SERPINA11: variants seen among roughly 807,000 people sequenced by gnomAD.
The protein encoded by SERPINA11 is serpin A11.
A neutral mutation model predicts 29.4 loss-of-function variants in SERPINA11; 28 were observed. The ratio of observed to expected loss-of-function variants is 0.95; its 90% confidence interval spans 0.70 to 1.30. SERPINA11 has a LOEUF of 1.30. Ranked by LOEUF, SERPINA11 falls within the 50% of genes most tolerant of loss-of-function variation. The probability of loss-of-function intolerance (pLI) is 0.00; values close to 1 mark genes in which losing one functional copy is unlikely to be tolerated. For synonymous variants in SERPINA11, 253 were observed against 206.6 expected, an observed-to-expected ratio of 1.22 and a Z score of -1.92; for missense variants, 530 against 507.3, an observed-to-expected ratio of 1.04 and a Z score of -0.43.
chr14:94,452,463 T>TC (rs58263401), intron 1 of SERPINA11, among the ~76,000 whole-genome samples: 56,426 of 151,790 alleles, frequency 0.37, 11,199 homozygotes, highest in South Asian at 0.47. Context: ...TTGGGATTCT[T>TC]CTCTCAAAAT....
At chr14:94,444,669 G>T (rs369737788) in intron 3 of SERPINA11, among the ~76,000 whole-genome samples, 5 of 152,284 alleles carry the variant, frequency 3.3e-5, no homozygotes, top group African/African-American at 1.2e-4. Context: ...CTTGGCCCGT[G>T]CCTCTTATTT....
intron 2 of SERPINA11, among the ~76,000 whole-genome samples, chr14:94,446,970 G>A (rs1203545408): frequency 6.6e-6 from 1 of 152,184 alleles, no homozygotes; most frequent in Non-Finnish European, 1.5e-5. Context: ...CTGAGTCTTT[G>A]TGAATTTATT....
chr14:94,445,357 C>A (rs995592898), intron 3 of SERPINA11, among the ~76,000 whole-genome samples: 3 of 151,978 alleles, frequency 2.0e-5, no homozygotes, highest in Non-Finnish European at 4.4e-5. Context: ...GAAGATGCAC[C>A]CCCAAGAAGG....
At position 94,446,563 on chromosome 14, in the gene SERPINA11, G is replaced by A. The variant is rs1481839565; in HGVS notation, c.685C>T (p.Gln229Ter). 6.2e-7 allele frequency: 1 copy of A among 1,614,174 alleles called. No individual in the cohort carries two copies. Among genetic ancestry groups the A allele is most frequent in the Admixed American group, 1.7e-5 (1 of 60,030 alleles). ...HPFSRYQTQKQESFFVDERTS... is the reference protein window; with the variant it reads ...HPFSRYQTQK ...CTCTCATCCACAAAGAAACTTTCCT[G>A]CTTCTGGGTCTGGTAGCGACTGAAA... is the stretch of plus-strand genomic sequence containing the variant. The change falls in exon 3 of 5, where the codon CAG becomes TAG. Residue 229 changes from glutamine to a stop codon, truncating the protein, a stop_gained. Coordinates refer to ENST00000334708, the MANE Select transcript of SERPINA11 (RefSeq NM_001080451.2). LOFTEE classifies it high-confidence loss of function.
In SERPINA11 at chr14:94,446,899, T is replaced by C. The variant is rs17090888; in HGVS notation, c.644-295A>G. Reference sequence around the variant, plus strand: ...CCTTCCATGTGTTAGACATTATCTCTTTAAATTGTCATAAAAATTAATAAG... The same window carrying C: ...CCTTCCATGTGTTAGACATTATCTCCTTAAATTGTCATAAAAATTAATAAG... On this transcript the variant is annotated intron_variant, in intron 2 of 4. Coordinates refer to ENST00000334708, the MANE Select transcript of SERPINA11 (RefSeq NM_001080451.2). Among the ~76,000 whole-genome samples the C allele has an allele frequency of 0.13, 19,943 of 152,278 alleles. 1,373 individuals are homozygous for C. The highest frequency in any genetic ancestry group is 0.17 in the Middle Eastern group (50 of 294).
In SERPINA11 at chr14:94,442,947, A is replaced by G. The variant is rs1390518153; in HGVS notation, c.1065+131T>C. On this transcript the variant is annotated intron_variant, in intron 4 of 4. Transcript: ENST00000334708. ...GAAAAGCCCATGAAGAGATGCCTTA[A>G]AGACTGTGGTATTAAATAGTCTGCA... 3 of 1,282,820 alleles carry G rather than the reference A, an allele frequency of 2.3e-6. No homozygotes were observed. In the East Asian group the frequency reaches 7.0e-5, roughly 30 times the overall value. 79.5% of individuals were successfully genotyped at this position (1,282,820 alleles called of 1,614,324 possible).
intron 3 of SERPINA11, 146 bp from the exon 4 acceptor site, chr14:94,443,371 C>A: frequency 2.9e-6 from 2 of 696,420 alleles, no homozygotes; most frequent in Non-Finnish European, 2.4e-6. Flanking sequence ...TTCACTATGG[C>A]GGACCATGCC....
intron 1 of SERPINA11, 71 bp from the exon 2 acceptor site, chr14:94,448,848 C>G: frequency 2.9e-6 from 4 of 1,380,460 alleles, no homozygotes; most frequent in Non-Finnish European, 3.9e-6. Flanking sequence ...GCTCATACCA[C>G]AAATCCCACC....
At position 94,442,642 on chromosome 14, in the gene SERPINA11, G is replaced by A. The variant is rs746249244; in HGVS notation, c.1233C>T (p.Leu411=). 5.0e-6 allele frequency: 8 copies of A among 1,611,930 alleles called. No individual in the cohort carries two copies. The highest frequency in any genetic ancestry group is 5.1e-6 in the Non-Finnish European group (6 of 1,179,046). Reference sequence around the variant, plus strand: ...CTGGGTTGACAACTTTTCCCAGGAAGAGTAAGCTCTGGGTGGTGACCTCCC... The same window carrying A: ...CTGGGTTGACAACTTTTCCCAGGAAAAGTAAGCTCTGGGTGGTGACCTCCC... The part of the protein sequence containing the change: ...LLWEVTTQSL[L]FLGKVVNPVA... Residue 411 remains leucine (L), a synonymous_variant, in exon 5 of 5, where the codon CTC becomes CTT. Coordinates refer to ENST00000334708, the MANE Select transcript of SERPINA11 (RefSeq NM_001080451.2).
At chr14:94,452,599 A>ACACACACACACG (rs1491459698) in intron 1 of SERPINA11, 130 bp downstream of exon 1, 3 of 3,932 alleles carry the variant, frequency 7.6e-4, no homozygotes, top group African/African-American at 5.7e-3. Context: ...AAAGCCAGGA[A>ACACACACACACG]CACACACACA....
At chr14:94,448,940 C>T (rs1431507229) in intron 1 of SERPINA11, among the ~76,000 whole-genome samples, 163 bp from the exon 2 acceptor site, 1 of 152,238 alleles carries the variant, frequency 6.6e-6, no homozygotes, top group African/African-American at 2.4e-5. Flanking sequence ...GGACACTTTC[C>T]TCCGAGGCTT....
chr14:94,448,205 C>G lies in SERPINA11; in HGVS notation c.570G>C (p.Gly190=). ...INDYLRRQTY[G]QVVDCLPEFS... is the part of the protein sequence containing the mutation. ...ACTCCGGGAGGCAGTCCACGACTTG[C>G]CCGTATGTTTGCCTTCTCAAATAGT... The change falls in exon 2 of 5, where the codon GGG becomes GGC. Residue 190 remains glycine, a synonymous_variant. Coordinates refer to ENST00000334708, the MANE Select transcript of SERPINA11 (RefSeq NM_001080451.2). 6.2e-7 allele frequency: 1 copy of G among 1,614,218 alleles called. No individual in the cohort carries two copies. Among genetic ancestry groups the G allele is most frequent in the Non-Finnish European group, 8.5e-7 (1 of 1,180,040 alleles).
At chr14:94,446,304 C>T in intron 3 of SERPINA11, 27 bp downstream of exon 3, 4 of 1,598,878 alleles carry the variant, frequency 2.5e-6, no homozygotes, top group Non-Finnish European at 3.4e-6. Context: ...GCAAGGTCAG[C>T]CAGCATCCTT....
rs143460128 is a variant in SERPINA11, at chr14:94,448,211, T to C, written c.564A>G (p.Thr188=). ...GGAGGCAGTCCACGACTTGCCCGTA[T>C]GTTTGCCTTCTCAAATAGTCATTAA... ...RQINDYLRRQ[T]YGQVVDCLPE... Residue 188 remains threonine, a synonymous_variant, in exon 2 of 5, where the codon ACA becomes ACG. Transcript: ENST00000334708. 2 of 1,614,250 alleles carry C rather than the reference T, an allele frequency of 1.2e-6. No homozygotes were observed. The highest frequency in any genetic ancestry group is 1.7e-6 in the Non-Finnish European group (2 of 1,180,042).
At position 94,446,420 on chromosome 14, in the gene SERPINA11, C is replaced by A. The variant is rs114610098; in HGVS notation, c.828G>T (p.Leu276=). The A allele has an allele frequency of 1.6e-4, 260 of 1,614,176 alleles. No homozygotes were observed. In the East Asian group the frequency reaches 3.9e-3, roughly 24 times the overall value. ...TCATTTTCCCCGGGTCAGGGAGGAC[C>A]AGCAGCGCCAAGGCATTTCCTCTGT... The part of the protein sequence containing the change: ...IEYRGNALAL[L]VLPDPGKMKQ... Residue 276 remains leucine, a synonymous_variant, in exon 3 of 5, where the codon CTG becomes CTT. Coordinates refer to ENST00000334708, the MANE Select transcript of SERPINA11 (RefSeq NM_001080451.2).
chr14:94,451,319 C>A (rs1431968686), intron 1 of SERPINA11, among the ~76,000 whole-genome samples: 2 of 152,276 alleles, frequency 1.3e-5, no homozygotes, highest in African/African-American at 2.4e-5. Context: ...TGTGGGCACG[C>A]CCCCAAGGCT....
At position 94,443,150 on chromosome 14, in the gene SERPINA11, A is replaced by G. The variant is rs1270569643; in HGVS notation, c.993T>C (p.Gly331=). 1 of 1,613,978 alleles carries G rather than the reference A, an allele frequency of 6.2e-7. No homozygotes were observed. The highest frequency in any genetic ancestry group is 8.5e-7 in the Non-Finnish European group (1 of 1,179,982). Residue 331 remains glycine, a synonymous_variant, in exon 4 of 5, where the codon GGT becomes GGC. Coordinates refer to ENST00000334708, the MANE Select transcript of SERPINA11 (RefSeq NM_001080451.2). ...CTTCTAAGTTGAGTATGTTGGTGAG[A>G]CCAATTTGGGGAAGTATGTCTTCCA... ...YNLEDILPQI[G]LTNILNLEAD...
At position 94,442,638 on chromosome 14, in the gene SERPINA11, G is replaced by A. The variant is rs557049308; in HGVS notation, c.1237C>T (p.Leu413=). Residue 413 remains leucine, a synonymous_variant, in exon 5 of 5, where the codon CTG becomes TTG. Transcript: ENST00000334708. Reference sequence around the variant, plus strand: ...GCAACTGGGTTGACAACTTTTCCCAGGAAGAGTAAGCTCTGGGTGGTGACC... The same window carrying A: ...GCAACTGGGTTGACAACTTTTCCCAAGAAGAGTAAGCTCTGGGTGGTGACC... ...WEVTTQSLLF[L]GKVVNPVAG 4.0e-5 allele frequency: 64 copies of A among 1,611,468 alleles called. No homozygotes were observed. The highest frequency in any genetic ancestry group is 5.0e-5 in the Non-Finnish European group (59 of 1,178,868).
chr14:94,446,410 C>T lies in SERPINA11; in HGVS notation c.838G>A (p.Asp280Asn). 6.2e-7 allele frequency: 1 copy of T among 1,614,162 alleles called. No homozygotes were observed. The highest frequency in any genetic ancestry group is 1.3e-5 in the African/African-American group (1 of 75,048). Residue 280 changes from aspartate (D) to asparagine (N), a missense_variant, in exon 3 of 5, where the codon GAC (aspartate) becomes AAC (asparagine). Coordinates refer to ENST00000334708, the MANE Select transcript of SERPINA11 (RefSeq NM_001080451.2). The stretch of plus-strand genomic sequence containing the variant: ...TCCACCTGCTTCATTTTCCCCGGGT[C>T]AGGGAGGACCAGCAGCGCCAAGGCA... ...GNALALLVLP[D>N]PGKMKQVEAA...
Sources: allele counts gnomAD v4.1 joint callset (sites outside exome capture counted in the v4.1 genomes callset), GRCh38; gene constraint gnomAD v4.1.1; transcripts MANE v1.5; gene names NCBI Gene and HGNC (gene_info 2026-07-23, HGNC 2026-07-21).